LDHC: variants seen among roughly 807,000 people sequenced by gnomAD.
LDHC encodes the protein lactate dehydrogenase C.
LDHC carries 20 observed loss-of-function variants against 30.2 expected under a neutral mutation model. That is an observed-to-expected ratio of 0.66 (90% CI 0.47 to 0.96). The LOEUF (loss-of-function observed/expected upper bound fraction) is 0.96, where lower values mean the gene tolerates loss of function less well. Ranked by LOEUF, LDHC falls within the 40% of genes least tolerant of loss-of-function variation. The probability of loss-of-function intolerance (pLI) is 0.00; values close to 1 mark genes in which losing one functional copy is unlikely to be tolerated. For missense variants in LDHC, 362 were observed against 394.9 expected (o/e 0.92, Z 0.71); for synonymous variants, 139 against 132.7 (o/e 1.05, Z -0.32).
intron 6 of LDHC, among the ~76,000 whole-genome samples, chr11:18,441,574 G>A (rs2133842712): frequency 6.7e-6 from 1 of 150,098 alleles, no homozygotes; most frequent in South Asian, 2.1e-4. Flanking sequence ...CAAAGTGCTG[G>A]GATTACAGGC....
At chr11:18,439,063 T>C (rs1319685417) in intron 6 of LDHC, among the ~76,000 whole-genome samples, 1 of 152,218 alleles carries the variant, frequency 6.6e-6, no homozygotes, top group East Asian at 1.9e-4. Context: ...TAATACTACA[T>C]GTAAAATGCT....
chr11:18,439,836 A>AC lies in LDHC; in HGVS notation c.710+1192dup, dbSNP rs1565055743. On this transcript the variant is annotated intron_variant, in intron 6 of 7. Coordinates refer to ENST00000541669, the MANE Select transcript of LDHC (RefSeq NM_017448.5). ...TAAAAAAAAAAAAAAAAAAAAAAAA[A>AC]CAAAAATTAGCCAGCTGTGGTTGTG... is the stretch of plus-strand genomic sequence containing the variant. Among the ~76,000 whole-genome samples, 489 of 137,454 alleles carry AC rather than the reference A, an allele frequency of 3.6e-3. 4 individuals are homozygous for AC. Among genetic ancestry groups the AC allele is most frequent in the African/African-American group, 0.012 (436 of 35,548 alleles). The allele number at this position is 137,454 out of a possible 152,430, so 90.2% of individuals were successfully genotyped here.
Position 18,414,478 on chromosome 11 carries a change from C to T in LDHC, c.127-706C>T, listed in dbSNP as rs557905820. 1.7e-4 allele frequency among the ~76,000 whole-genome samples: 26 copies of T among 152,174 alleles called. No individual in the cohort carries two copies. In the South Asian group the frequency reaches 2.5e-3, roughly 15 times the overall value. ...GGTTACCTTCCTGTTTGGGCCATAA[C>T]GACGCATACTAAAAGCAGCTTTAGC... On this transcript the variant is annotated intron_variant, in intron 2 of 7. Transcript: ENST00000541669.
rs779043876 is a variant in LDHC, at chr11:18,446,286, A to G, written c.787A>G (p.Ile263Val). 25 of 1,607,360 alleles carry G rather than the reference A, an allele frequency of 1.6e-5. No individual in the cohort carries two copies. In the South Asian group the frequency reaches 2.7e-4, roughly 18 times the overall value. The change falls in exon 7 of 8, where the codon ATT (isoleucine) becomes GTT (valine). Residue 263 changes from isoleucine (I) to valine (V), a missense_variant. Physicochemically the swap from Ile to Val is conservative, Grantham distance 29. Transcript: ENST00000541669. Reference protein sequence around the residue: ...GLSVMDLVGSILKNLRRVHPV... With the variant: ...GLSVMDLVGSVLKNLRRVHPV... The stretch of plus-strand genomic sequence containing the variant: ...GTCTGTGATGGATTTGGTAGGATCC[A>G]TTTTGAAAAATCTTAGGAGAGTGCA...
chr11:18,420,523 G>A (rs1867101410), intron 3 of LDHC, among the ~76,000 whole-genome samples: 1 of 151,568 alleles, frequency 6.6e-6, no homozygotes, highest in African/African-American at 2.4e-5. Flanking sequence ...GTGTCAATCT[G>A]GAATCTACCC....
intron 3 of LDHC, 60 bp from the exon 4 acceptor site, chr11:18,429,677 G>A (rs1848230419): frequency 1.0e-6 from 1 of 990,950 alleles, no homozygotes; most frequent in African/African-American, 1.6e-5. Context: ...GTTTTAAGGA[G>A]TTAAGGCACA....
intron 7 of LDHC, among the ~76,000 whole-genome samples, chr11:18,449,276 A>AAAATG (rs1277435881): frequency 6.6e-6 from 1 of 151,838 alleles, no homozygotes; most frequent in African/African-American, 2.4e-5. Context: ...ATCTCTATAA[A>AAAATG]AAATGAAAAG....
At chr11:18,446,479 A>G in intron 7 of LDHC, 146 bp downstream of exon 7, 1 of 619,108 alleles carries the variant, frequency 1.6e-6, no homozygotes, top group South Asian at 1.9e-5. Context: ...GGTCAAAAAA[A>G]TACAGATACC....
intron 6 of LDHC, among the ~76,000 whole-genome samples, chr11:18,443,137 T>G (rs1055304970): frequency 6.6e-6 from 1 of 152,180 alleles, no homozygotes; most frequent in Non-Finnish European, 1.5e-5. Context: ...AATGAGAGGT[T>G]AAATTAATCC....
chr11:18,412,760 G>A lies in LDHC; in HGVS notation c.43G>A (p.Asp15Asn), dbSNP rs754459497. The change falls in exon 2 of 8, where the codon GAT becomes AAT. Residue 15 changes from aspartate to asparagine, a missense_variant. Transcript: ENST00000541669. ...GCAGCTAATTGAGAAGCTAATTGAG[G>A]ATGATGAAAACTCCCAGTGTAAAAT... ...KEQLIEKLIE[D>N]DENSQCKITI... 1.2e-6 allele frequency: 2 copies of A among 1,613,956 alleles called. No individual in the cohort carries two copies. The highest frequency in any genetic ancestry group is 1.7e-6 in the Non-Finnish European group (2 of 1,179,798).
chr11:18,444,300 C>G (rs1031210782), intron 6 of LDHC, among the ~76,000 whole-genome samples: 5 of 152,034 alleles, frequency 3.3e-5, no homozygotes, highest in African/African-American at 1.2e-4. Flanking sequence ...TTTATTAATA[C>G]CTGAGAGGAT....
intron 5 of LDHC, 36 bp downstream of exon 5, chr11:18,434,949 T>C (rs919663682): frequency 1.4e-6 from 2 of 1,403,002 alleles, no homozygotes; most frequent in Admixed American, 3.5e-5. Context: ...GTGACTACCC[T>C]TCTTATCTCT....
At chr11:18,446,128 T>TA (rs1848549266) in intron 6 of LDHC, 82 bp from the exon 7 acceptor site, 1 of 1,214,918 alleles carries the variant, frequency 8.2e-7, no homozygotes, top group Admixed American at 2.0e-5. Flanking sequence ...TAGATAACTT[T>TA]AAAATGGATG....
intron 4 of LDHC, among the ~76,000 whole-genome samples, chr11:18,431,888 A>G (rs1381617863): frequency 1.3e-5 from 2 of 152,114 alleles, no homozygotes; most frequent in African/African-American, 4.8e-5. Flanking sequence ...CTAATAGTCT[A>G]TCAATTTTAT....
At chr11:18,413,855 A>T (rs943925139) in intron 2 of LDHC, among the ~76,000 whole-genome samples, 2 of 152,104 alleles carry the variant, frequency 1.3e-5, no homozygotes, top group Admixed American at 6.6e-5. Flanking sequence ...ATAGTTCCGT[A>T]CTCTGTCACA....
chr11:18,429,867 C>T lies in LDHC; in HGVS notation c.375C>T (p.Val125=). ...TGAAATCAATCATTCCTGCCATAGTCCATTATAGTCCTGATTGTAAAATTC... is the reference window on the plus strand; with the variant it reads ...TGAAATCAATCATTCCTGCCATAGTTCATTATAGTCCTGATTGTAAAATTC... The part of the protein sequence containing the change: ...AIMKSIIPAI[V]HYSPDCKILV... The change falls in exon 4 of 8, where the codon GTC becomes GTT. Residue 125 remains valine, a synonymous_variant. Coordinates refer to ENST00000541669, the MANE Select transcript of LDHC (RefSeq NM_017448.5). 6.2e-7 allele frequency: 1 copy of T among 1,611,422 alleles called. No homozygotes were observed. Among genetic ancestry groups the T allele is most frequent in the South Asian group, 1.1e-5 (1 of 90,756 alleles).
chr11:18,450,903 T>G lies in LDHC; in HGVS notation c.835-60T>G, dbSNP rs1462799335. 3.8e-6 allele frequency: 5 copies of G among 1,303,182 alleles called. No homozygotes were observed. The African/African-American group carries it at 6.1e-5, about 16-fold the overall frequency. The allele number at this position is 1,303,182 out of a possible 1,614,324, so 80.7% of individuals were successfully genotyped here. A position where few individuals can be genotyped will look rare whatever the true frequency, so the allele number is the denominator to read the frequency against. On this transcript the variant is annotated intron_variant, in intron 7 of 7. Transcript: ENST00000541669. ...CCTGTATACTCTCATTTTGATGCCC[T>G]TTTGCATAGCTGCTTTTCCATATCA...
At position 18,415,192 on chromosome 11, in the gene LDHC, T is replaced by C; in HGVS notation, c.135T>C (p.Ala45=). 6.3e-7 allele frequency: 1 copy of C among 1,588,268 alleles called. No individual in the cohort carries two copies. The highest frequency in any genetic ancestry group is 8.6e-7 in the Non-Finnish European group (1 of 1,160,734). The change falls in exon 3 of 8, where the codon GCT becomes GCC. Residue 45 remains alanine (A), a synonymous_variant. Transcript: ENST00000541669. ...ACTTTTGTATATTTTAGGATTTGGC[T>C]GATGAACTTGCCCTTGTTGATGTTG... is the stretch of plus-strand genomic sequence containing the variant. ...CAISILLKDL[A]DELALVDVAL... is the part of the protein sequence containing the mutation.
intron 4 of LDHC, 141 bp downstream of exon 4, chr11:18,430,051 A>C (rs1445606989): frequency 1.0e-5 from 5 of 496,308 alleles, no homozygotes; most frequent in African/African-American, 2.0e-5. Flanking sequence ...AGTTTTGATA[A>C]ATGTAATCAC....
Sources: allele counts gnomAD v4.1 joint callset (sites outside exome capture counted in the v4.1 genomes callset), GRCh38; gene constraint gnomAD v4.1.1; transcripts MANE v1.5; gene names NCBI Gene and HGNC (gene_info 2026-07-23, HGNC 2026-07-21).